PLXNC1: variants seen among roughly 807,000 people sequenced by gnomAD.
PLXNC1 encodes plexin C1.
In PLXNC1, 75 loss-of-function variants were observed where a neutral mutation model predicts 178.2. The ratio of observed to expected loss-of-function variants is 0.42; its 90% CI spans 0.35 to 0.51. The LOEUF (loss-of-function observed/expected upper bound fraction) is 0.51. Among genes scored for constraint, PLXNC1 ranks in the 20% least tolerant of loss-of-function variants. PLXNC1 has a pLI of 0.02. For missense variants in PLXNC1, 1,503 were observed against 1,984.4 expected (o/e 0.76, Z 4.61); for synonymous variants, 790 against 779.9 (o/e 1.01, Z -0.22).
Position 94,224,136 on chromosome 12 carries a change from A to G in PLXNC1, c.1703-92A>G, listed in dbSNP as rs1963874962. 5 of 815,906 alleles carry G rather than the reference A, an allele frequency of 6.1e-6. No individual in the cohort carries two copies. The South Asian group carries it at 6.7e-5, about 11-fold the overall frequency. 50.5% of individuals were successfully genotyped at this position (815,906 alleles called of 1,614,324 possible). ...CACGCTCCTGCCCACTATGCAGAGG[A>G]AGCAAAAATATTTATCTTTTTTTGC... On this transcript the variant is annotated intron_variant, in intron 6 of 30. Transcript: ENST00000258526.
intron 21 of PLXNC1, among the ~76,000 whole-genome samples, chr12:94,268,588 CTT>C (rs61265662): frequency 2.2e-4 from 20 of 90,876 alleles, no homozygotes; most frequent in Admixed American, 4.1e-4. Flanking sequence ...AGAATAAGAC[CTT>C]TTTTTTTTTT....
At chr12:94,278,068 C>G (rs1216712836) in intron 21 of PLXNC1, 1 of 455,964 alleles carries the variant, frequency 2.2e-6, no homozygotes, top group African/African-American at 2.0e-5. Context: ...CCCCCTCCCT[C>G]TGTCTCTGTA....
chr12:94,219,600 AG>A (rs1160902250), intron 5 of PLXNC1, among the ~76,000 whole-genome samples: 1 of 152,202 alleles, frequency 6.6e-6, no homozygotes, highest in Non-Finnish European at 1.5e-5. Flanking sequence ...CACAAGCAAA[AG>A]TTACAAGACA....
At chr12:94,195,988 TTCTTCTC>T (rs1331980078) in intron 4 of PLXNC1, among the ~76,000 whole-genome samples, 1 of 152,006 alleles carries the variant, frequency 6.6e-6, no homozygotes, top group Non-Finnish European at 1.5e-5. Flanking sequence ...GTCTTGAGGG[TTCTTCTC>T]CAAGTGACAC....
Position 94,253,040 on chromosome 12 carries a change from G to A in PLXNC1, c.2881+1512G>A, listed in dbSNP as rs1359854219. 3.3e-5 allele frequency among the ~76,000 whole-genome samples: 5 copies of A among 151,648 alleles called. No individual in the cohort carries two copies. In the East Asian group the frequency reaches 5.8e-4, roughly 18 times the overall value. ...ATCCTGACCAACATGGTGAAACCCTGTCTCTACTAAAAATACAAAAATTAG... is the reference window on the plus strand; with the variant it reads ...ATCCTGACCAACATGGTGAAACCCTATCTCTACTAAAAATACAAAAATTAG... On this transcript the variant is annotated intron_variant, in intron 15 of 30. Transcript: ENST00000258526.
chr12:94,212,050 G>A (rs893149529), intron 5 of PLXNC1, among the ~76,000 whole-genome samples: 7 of 152,038 alleles, frequency 4.6e-5, no homozygotes, highest in Admixed American at 2.6e-4. Context: ...CGAGGCGGGC[G>A]GATCACGAGG....
intron 5 of PLXNC1, among the ~76,000 whole-genome samples, chr12:94,216,982 AC>A (rs1963663572): frequency 6.6e-6 from 1 of 151,978 alleles, no homozygotes; most frequent in Non-Finnish European, 1.5e-5. Flanking sequence ...ACTCGCCTGG[AC>A]CCCAAGTTAC....
chr12:94,165,079 A>G lies in PLXNC1; in HGVS notation c.1063-4074A>G, dbSNP rs185436519. 8.3e-3 allele frequency among the ~76,000 whole-genome samples: 1,268 copies of G among 152,330 alleles called. 29 individuals are homozygous for G. The highest frequency in any genetic ancestry group is 0.029 in the African/African-American group (1,208 of 41,570). Reference sequence around the variant, plus strand: ...GCTGGGATTCAGAAATAAATTACACATAATAAACTAGACAGAATAGGCTGA... The same window carrying G: ...GCTGGGATTCAGAAATAAATTACACGTAATAAACTAGACAGAATAGGCTGA... On this transcript the variant is annotated intron_variant, in intron 1 of 30. Coordinates refer to ENST00000258526, the MANE Select transcript of PLXNC1 (RefSeq NM_005761.3).
chr12:94,206,737 GA>G (rs1180010983), intron 4 of PLXNC1, among the ~76,000 whole-genome samples: 1 of 152,138 alleles, frequency 6.6e-6, no homozygotes, highest in Non-Finnish European at 1.5e-5. Context: ...AGTTTCCCTA[GA>G]ATATGTCCAT....
intron 4 of PLXNC1, among the ~76,000 whole-genome samples, chr12:94,189,138 G>A (rs1370004689): frequency 1.3e-5 from 2 of 152,254 alleles, no homozygotes; most frequent in African/African-American, 4.8e-5. Context: ...TTCAGCTTTG[G>A]TGGTATAGCT....
At chr12:94,165,300 A>G (rs1961569122) in intron 1 of PLXNC1, among the ~76,000 whole-genome samples, 1 of 152,070 alleles carries the variant, frequency 6.6e-6, no homozygotes, top group Admixed American at 6.5e-5. Context: ...TTTTGTTTTC[A>G]TTTGCTGCAA....
intron 2 of PLXNC1, among the ~76,000 whole-genome samples, chr12:94,178,407 G>A (rs1437437524): frequency 2.0e-5 from 3 of 152,192 alleles, no homozygotes; most frequent in Admixed American, 1.3e-4. Flanking sequence ...CAGGGCAGCA[G>A]CTTCTCTTCT....
chr12:94,183,937 AAGGCTCTTGGGGAGATAAGAAC>A (rs1189992040), intron 3 of PLXNC1, among the ~76,000 whole-genome samples: 1 of 152,228 alleles, frequency 6.6e-6, no homozygotes, highest in Non-Finnish European at 1.5e-5. Context: ...AAGTCCAAGG[AAGGCTCTTGGGGAGATAAGAAC>A]AGCCAAACTA....
intron 21 of PLXNC1, among the ~76,000 whole-genome samples, chr12:94,275,940 A>T (rs1474430290): frequency 1.3e-5 from 2 of 150,304 alleles, no homozygotes; most frequent in African/African-American, 4.9e-5. Flanking sequence ...ATATCAATTT[A>T]TGTCTGAATT....
At chr12:94,252,679 T>G (rs1964730020) in intron 15 of PLXNC1, among the ~76,000 whole-genome samples, 1 of 152,230 alleles carries the variant, frequency 6.6e-6, no homozygotes, top group Admixed American at 6.5e-5. Flanking sequence ...GGATCCCAAA[T>G]TTCCATAGCA....
chr12:94,173,565 TC>T (rs1961929580), intron 2 of PLXNC1, among the ~76,000 whole-genome samples: 1 of 152,056 alleles, frequency 6.6e-6, no homozygotes, highest in African/African-American at 2.4e-5. Flanking sequence ...ACTCTCACCA[TC>T]CCCACTTTAT....
intron 2 of PLXNC1, among the ~76,000 whole-genome samples, chr12:94,172,087 G>A (rs1047159030): frequency 2.6e-5 from 4 of 152,180 alleles, no homozygotes; most frequent in African/African-American, 9.7e-5. Context: ...CTTCTCCCTT[G>A]CCAAGGCTTG....
intron 26 of PLXNC1, 68 bp downstream of exon 26, chr12:94,297,491 C>T (rs1592995170): frequency 9.3e-7 from 1 of 1,074,942 alleles, no homozygotes; most frequent in Non-Finnish European, 1.4e-6. Context: ...GACTTAATTT[C>T]CACTGAAGTG....
intron 9 of PLXNC1, among the ~76,000 whole-genome samples, chr12:94,230,832 A>T (rs2136036358): frequency 6.6e-6 from 1 of 152,318 alleles, no homozygotes; most frequent in East Asian, 1.9e-4. Flanking sequence ...TGTGCTAGGC[A>T]CTAGGAATGG....
Sources: gnomAD v4.1 joint callset for allele counts (sites outside exome capture counted in the v4.1 genomes callset) on GRCh38, gnomAD v4.1.1 for gene constraint, MANE v1.5 for transcripts, NCBI Gene and HGNC (gene_info 2026-07-23, HGNC 2026-07-21) for gene names.